CDCP1: variants seen among roughly 807,000 people sequenced by gnomAD.
The protein encoded by CDCP1 is CUB domain-containing protein 1.
Under a neutral mutation model 60.2 loss-of-function variants are expected in CDCP1, and 29 were observed. The ratio of observed to expected loss-of-function variants is 0.48; its 90% CI spans 0.36 to 0.66. The LOEUF (loss-of-function observed/expected upper bound fraction) is 0.66, where lower values mean the gene tolerates loss of function less well. Ranked by LOEUF, CDCP1 falls within the 30% of genes least tolerant of loss-of-function variation. CDCP1 has a pLI of 0.00. For synonymous variants in CDCP1, 387 were observed against 431.1 expected, an observed-to-expected ratio of 0.90 and a Z score of 1.27; for missense variants, 876 against 1,074.3, an observed-to-expected ratio of 0.82 and a Z score of 2.58.
At chr3:45,101,095 A>G (rs1293587306) in intron 4 of CDCP1, among the ~76,000 whole-genome samples, 1 of 152,204 alleles carries the variant, frequency 6.6e-6, no homozygotes, top group Non-Finnish European at 1.5e-5. Flanking sequence ...CAGTCTTGCG[A>G]CAGAGTTTGA....
intron 1 of CDCP1, among the ~76,000 whole-genome samples, chr3:45,129,012 T>C (rs1394472468): frequency 6.6e-6 from 1 of 152,240 alleles, no homozygotes; most frequent in East Asian, 1.9e-4. Context: ...ACACTGTGCC[T>C]GGCCAAGTTA....
intron 8 of CDCP1, among the ~76,000 whole-genome samples, 192 bp downstream of exon 8, chr3:45,088,862 C>A (rs1209889814): frequency 6.6e-6 from 1 of 151,610 alleles, no homozygotes; most frequent in African/African-American, 2.4e-5. Context: ...TGTTTTATCC[C>A]CCCCTCACCC....
intron 1 of CDCP1, among the ~76,000 whole-genome samples, chr3:45,127,842 C>T (rs1342598174): frequency 6.6e-6 from 1 of 152,206 alleles, no homozygotes; most frequent in Non-Finnish European, 1.5e-5. Flanking sequence ...GAAATGATGG[C>T]TGCTTACCAG....
chr3:45,110,795 G>T lies in CDCP1; in HGVS notation c.702C>A (p.Thr234=). 1 of 1,614,094 alleles carries T rather than the reference G, an allele frequency of 6.2e-7. No homozygotes were observed. The part of the protein sequence containing the change: ...ESVFEGEGSA[T]LMSANYPEGF... Reference sequence around the variant, plus strand: ...CTTCTGGGTAGTTGGCAGACATCAGGGTTGCTGAGCCTTCACCCTCAAACA... The same window carrying T: ...CTTCTGGGTAGTTGGCAGACATCAGTGTTGCTGAGCCTTCACCCTCAAACA... Residue 234 remains threonine, a synonymous_variant, in exon 4 of 9, where the codon ACC becomes ACA. Coordinates refer to ENST00000296129, the MANE Select transcript of CDCP1 (RefSeq NM_022842.5).
rs373135719 is a variant in CDCP1, at chr3:45,091,129, A to T, written c.1993+44T>A. 39 of 1,569,756 alleles carry T rather than the reference A, an allele frequency of 2.5e-5. No homozygotes were observed. The highest frequency in any genetic ancestry group is 2.9e-5 in the Non-Finnish European group (33 of 1,156,632). ...CTTGCTCTCTATCCTCCAGCTGACA[A>T]TTTTTTGTTCATCACTGTCCCCAAA... On this transcript the variant is annotated intron_variant, in intron 7 of 8. Coordinates refer to ENST00000296129, the MANE Select transcript of CDCP1 (RefSeq NM_022842.5). The surrounding 1 kb of genome is among the most constrained non-coding windows in gnomAD (Gnocchi z 4.8).
chr3:45,111,680 A>G (rs1271156250), intron 3 of CDCP1, among the ~76,000 whole-genome samples: 1 of 152,246 alleles, frequency 6.6e-6, no homozygotes, highest in Non-Finnish European at 1.5e-5. Context: ...TTCTCAAAAC[A>G]AACAAAAACA....
rs761623206 is a variant in CDCP1, at chr3:45,112,084, T to C, written c.654A>G (p.Lys218=). ...GATAGCAGGGAGGGGCTTTCTCACG[T>C]TTTATAGATGAGCGGTTTGCAATGC... ...GFSIANRSSI[K]RLCIIESVFE... The change falls in exon 3 of 9, where the codon AAA becomes AAG. Residue 218 remains lysine (K), a splice_region_variant and synonymous_variant. Coordinates refer to ENST00000296129, the MANE Select transcript of CDCP1 (RefSeq NM_022842.5). 3.6e-5 allele frequency: 58 copies of C among 1,611,548 alleles called. 2 individuals are homozygous for C. The South Asian group carries it at 6.1e-4, about 17-fold the overall frequency.
chr3:45,086,480 G>A (rs1294847288), intron 8 of CDCP1, among the ~76,000 whole-genome samples: 1 of 152,114 alleles, frequency 6.6e-6, no homozygotes, highest in East Asian at 1.9e-4. Context: ...CAATCCTCCC[G>A]CACTCTTAGT....
chr3:45,121,614 A>G (rs1316715901), intron 1 of CDCP1, among the ~76,000 whole-genome samples: 1 of 152,028 alleles, frequency 6.6e-6, no homozygotes, highest in East Asian at 1.9e-4. Context: ...TCCTGCCCCT[A>G]TGATCATTAT....
chr3:45,085,989 T>C lies in CDCP1; in HGVS notation c.2160A>G (p.Lys720=), dbSNP rs202014054. 4 of 1,614,186 alleles carry C rather than the reference T, an allele frequency of 2.5e-6. No homozygotes were observed. Among genetic ancestry groups the C allele is most frequent in the Non-Finnish European group, 3.4e-6 (4 of 1,180,034 alleles). The change falls in exon 9 of 9, where the codon AAA becomes AAG. Residue 720 remains lysine (K), a synonymous_variant. Coordinates refer to ENST00000296129, the MANE Select transcript of CDCP1 (RefSeq NM_022842.5). This position sits in a 1 kb window ranked among gnomAD's most constrained non-coding sequence, Gnocchi z 4.2. ...NINTEMPRQP[K]KFQKGRKDND... ...TGTCCTTTCGCCCTTTCTGAAACTT[T>C]TTTGGCTGCCTCGGCATCTCAGTAT...
In CDCP1 at chr3:45,146,267, C is replaced by A; in HGVS notation, c.21G>T (p.Gly7=). The A allele has an allele frequency of 8.2e-6, 13 of 1,588,744 alleles. No homozygotes were observed. The highest frequency in any genetic ancestry group is 1.0e-5 in the Non-Finnish European group (12 of 1,170,422). MAGLNC[G]VSIALLGVLL... ...GAACCCCTAGCAGTGCGATAGAGAC[C>A]CCGCAGTTCAGGCCGGCCATGACTC... The change falls in exon 1 of 9, where the codon GGG becomes GGT. Residue 7 remains glycine (G), a synonymous_variant. Transcript: ENST00000296129.
intron 2 of CDCP1, among the ~76,000 whole-genome samples, chr3:45,113,606 T>C (rs561993801): frequency 5.3e-5 from 8 of 152,318 alleles, no homozygotes; most frequent in African/African-American, 1.7e-4. Context: ...CTTGGATCTC[T>C]GAGGTCATCC....
intron 1 of CDCP1, among the ~76,000 whole-genome samples, chr3:45,121,630 A>T (rs1490190065): frequency 6.6e-6 from 1 of 151,798 alleles, no homozygotes; most frequent in Non-Finnish European, 1.5e-5. Flanking sequence ...ATTATTTTAA[A>T]TCAGTGCTAG....
chr3:45,085,222 C>T lies in CDCP1; in HGVS notation c.*416G>A, dbSNP rs1005785689. The T allele has an allele frequency of 5.6e-5, 9 of 162,072 alleles. No individual in the cohort carries two copies. The East Asian group carries it at 1.4e-3, about 26-fold the overall frequency. 10.0% of individuals were successfully genotyped at this position (162,072 alleles called of 1,614,324 possible). A position where few individuals can be genotyped will look rare whatever the true frequency, so the allele number is the denominator to read the frequency against. ...AAATAATAATAAAAAGGCACATTGT[C>T]GTTTTCATCCTGGGGACCCCAGTGA... is the stretch of plus-strand genomic sequence containing the variant. On this transcript the variant is annotated 3_prime_UTR_variant, in exon 9 of 9. Transcript: ENST00000296129. The surrounding 1 kb of genome is among the most constrained non-coding windows in gnomAD (Gnocchi z 4.2).
intron 1 of CDCP1, among the ~76,000 whole-genome samples, chr3:45,126,039 T>C (rs1698976476): frequency 6.6e-6 from 1 of 152,202 alleles, no homozygotes; most frequent in Non-Finnish European, 1.5e-5. Context: ...GCTGCCCTCA[T>C]AGAAGCTGCC....
At chr3:45,103,254 C>CT (rs771617851) in intron 4 of CDCP1, among the ~76,000 whole-genome samples, 12 of 152,120 alleles carry the variant, frequency 7.9e-5, no homozygotes, top group Non-Finnish European at 1.5e-4. Flanking sequence ...TTGTCTCTGG[C>CT]TTTTTTTCTC....
Position 45,095,475 on chromosome 3 carries a change from C to T in CDCP1, c.1118G>A (p.Gly373Asp), listed in dbSNP as rs760017941. ...PVKQSRKFVP[G>D]CFVCLESRTC... ...CCGAGATTCTAGACACACGAAACAG[C>T]CAGGGACAAACTTGCGGCTCTGTTT... The change falls in exon 5 of 9, where the codon GGC (glycine) becomes GAC (aspartate). Residue 373 changes from glycine to aspartate, a missense_variant. By Grantham distance (94) the Gly-to-Asp change is moderately conservative (BLOSUM62 -1). This residue lies in a region of CDCP1 where 726 missense variants were observed against 935.7 expected (regional missense o/e 0.78). Coordinates refer to ENST00000296129, the MANE Select transcript of CDCP1 (RefSeq NM_022842.5). The T allele has an allele frequency of 6.2e-7, 1 of 1,614,148 alleles. No homozygotes were observed. The highest frequency in any genetic ancestry group is 8.5e-7 in the Non-Finnish European group (1 of 1,180,022).
chr3:45,101,152 A>T (rs976082299), intron 4 of CDCP1, among the ~76,000 whole-genome samples: 1 of 152,176 alleles, frequency 6.6e-6, no homozygotes, highest in Admixed American at 6.5e-5. Context: ...CAGAAGTGGC[A>T]GGCTCACTTC....
chr3:45,124,044 T>A (rs1264821275), intron 1 of CDCP1, among the ~76,000 whole-genome samples: 1 of 152,170 alleles, frequency 6.6e-6, no homozygotes, highest in Admixed American at 6.5e-5. Context: ...GACACCTTTG[T>A]GAGCATCTGC....
Sources: gnomAD v4.1 joint callset for allele counts (sites outside exome capture counted in the v4.1 genomes callset) on GRCh38, gnomAD v4.1.1 for gene constraint, gnomAD v4.1.1 regional missense constraint, Gnocchi (gnomAD v3.1) non-coding constraint, MANE v1.5 for transcripts, NCBI Gene and HGNC (gene_info 2026-07-23, HGNC 2026-07-21) for gene names.